Variants in TRRAP observed in about 807,000 individuals in gnomAD.
TRRAP encodes the protein transformation/transcription domain-associated protein.
Under a neutral mutation model 438.8 loss-of-function variants are expected in TRRAP, and 41 were observed. That is an observed-to-expected ratio of 0.09 (90% confidence interval 0.07 to 0.12). The LOEUF is 0.12. TRRAP is among the 10% of genes least tolerant of loss of function. TRRAP has a pLI of 1.00. For synonymous variants in TRRAP, 1,994 were observed against 1,962.9 expected, an observed-to-expected ratio of 1.02 and a Z score of -0.42; for missense variants, 3,122 against 5,055.1, an observed-to-expected ratio of 0.62 and a Z score of 11.60.
chr7:98,887,754 C>CAAAAA (rs1795781425), intron 3 of TRRAP, among the ~76,000 whole-genome samples: 1 of 135,408 alleles, frequency 7.4e-6, no homozygotes, highest in Non-Finnish European at 1.6e-5. Context: ...AAAAAAACTG[C>CAAAAA]AATGGTTTTC....
At chr7:98,883,813 C>T (rs2245385) in intron 3 of TRRAP, among the ~76,000 whole-genome samples, 47,365 of 152,114 alleles carry the variant, frequency 0.31, 7,764 homozygotes, top group South Asian at 0.47. Flanking sequence ...TGTGCCCAAC[C>T]GTCTAGTAAT....
chr7:98,947,683 T>C (rs1791148240), intron 33 of TRRAP, among the ~76,000 whole-genome samples: 1 of 152,212 alleles, frequency 6.6e-6, no homozygotes, highest in African/African-American at 2.4e-5. Flanking sequence ...CTCGAACTCC[T>C]GACCTCAGGT....
chr7:98,975,279 T>A (rs896369083), intron 53 of TRRAP, among the ~76,000 whole-genome samples: 4 of 152,230 alleles, frequency 2.6e-5, no homozygotes, highest in Non-Finnish European at 5.9e-5. Flanking sequence ...GGTTTCCCCC[T>A]TGGGTTTGCT....
Position 98,931,402 on chromosome 7 carries a change from C to T in TRRAP, c.3592-3C>T. On this transcript the variant is annotated splice_region_variant and splice_polypyrimidine_tract_variant and intron_variant, in intron 25 of 72. Coordinates refer to ENST00000456197, the MANE Select transcript of TRRAP (RefSeq NM_001375524.1). Reference sequence around the variant, plus strand: ...TTCATTCTAAGACATCCCTGACTTGCAGGTTTCCAATGGGGCAGTCGCTAT... The same window carrying T: ...TTCATTCTAAGACATCCCTGACTTGTAGGTTTCCAATGGGGCAGTCGCTAT... 6.2e-7 allele frequency: 1 copy of T among 1,612,554 alleles called. No homozygotes were observed. Among genetic ancestry groups the T allele is most frequent in the Non-Finnish European group, 8.5e-7 (1 of 1,179,288 alleles).
rs1791191283 is a variant in TRRAP, at chr7:98,948,601, C to T, written c.4704C>T (p.Phe1568=). 1 of 1,614,150 alleles carries T rather than the reference C, an allele frequency of 6.2e-7. No individual in the cohort carries two copies. ...GSPFREPLIK[F]LTRHPSQTVE... ...CATTCCGAGAGCCCCTGATCAAGTT[C>T]CTGACTCGACATCCCTCGCAGACAG... is the stretch of plus-strand genomic sequence containing the variant. The change falls in exon 35 of 73, where the codon TTC becomes TTT. Residue 1568 remains phenylalanine (F), a synonymous_variant. Transcript: ENST00000456197. This position sits in a 1 kb window ranked among gnomAD's most constrained non-coding sequence, Gnocchi z 4.9.
chr7:98,880,828 A>G (rs1795397182), intron 1 of TRRAP, among the ~76,000 whole-genome samples: 1 of 152,188 alleles, frequency 6.6e-6, no homozygotes, highest in East Asian at 1.9e-4. Context: ...CTCTTTACAG[A>G]AAATGTTTGC....
In TRRAP at chr7:98,929,996, C is replaced by T. The variant is rs1554412440; in HGVS notation, c.3183C>T (p.Phe1061=). The stretch of plus-strand genomic sequence containing the variant: ...TCCCATCTCTCCTTTTAGGCCCTTT[C>T]TTGCTGCCTTGCTACCAGGTGGGCA... ...MVAVAQQCGP[F]LLPCYQVGSQ... is the part of the protein sequence containing the mutation. The change falls in exon 24 of 73, where the codon TTC becomes TTT. Residue 1061 remains phenylalanine, a synonymous_variant. Coordinates refer to ENST00000456197, the MANE Select transcript of TRRAP (RefSeq NM_001375524.1). 6.2e-7 allele frequency: 1 copy of T among 1,614,158 alleles called. No individual in the cohort carries two copies. The highest frequency in any genetic ancestry group is 2.2e-5 in the East Asian group (1 of 44,882).
Position 98,978,922 on chromosome 7 carries a change from C to A in TRRAP, c.8634+18C>A, listed in dbSNP as rs1792786757. ...TGGTGCAGGTGAGACGCCCCGGGGG[C>A]ATCCCTGCCGCTGCCTGGGTCCCTT... On this transcript the variant is annotated intron_variant, in intron 58 of 72. Transcript: ENST00000456197. The A allele has an allele frequency of 1.2e-6, 2 of 1,612,696 alleles. No individual in the cohort carries two copies.
intron 60 of TRRAP, 94 bp from the exon 61 acceptor site, chr7:98,983,999 G>GT: frequency 1.5e-6 from 2 of 1,336,842 alleles, no homozygotes; most frequent in Non-Finnish European, 2.0e-6. Context: ...CATAAGCCAT[G>GT]TGTGTGTGTG....
At chr7:98,910,864 T>C (rs1789233277) in intron 16 of TRRAP, among the ~76,000 whole-genome samples, 1 of 152,166 alleles carries the variant, frequency 6.6e-6, no homozygotes, top group Non-Finnish European at 1.5e-5. Flanking sequence ...TTAATAATTT[T>C]TTTCATGGTC....
At chr7:98,969,434 C>T (rs1217667143) in intron 51 of TRRAP, among the ~76,000 whole-genome samples, 1 of 152,236 alleles carries the variant, frequency 6.6e-6, no homozygotes, top group Non-Finnish European at 1.5e-5. Flanking sequence ...CATGTTACCA[C>T]AGTGAGCACA....
Position 98,999,272 on chromosome 7 carries a change from G to C in TRRAP, c.10309+4424G>C. On this transcript the variant is annotated intron_variant, in intron 67 of 72. Coordinates refer to ENST00000456197, the MANE Select transcript of TRRAP (RefSeq NM_001375524.1). ...CCAGCTTCTCGCAGAAACAGATGTC[G>C]TACAGGAACAGTCTACTATTAAAGC... The C allele has an allele frequency of 3.4e-6, 4 of 1,182,822 alleles. No individual in the cohort carries two copies. In the South Asian group the frequency reaches 4.9e-5, roughly 14 times the overall value. The allele number at this position is 1,182,822 out of a possible 1,614,324, so 73.3% of individuals were successfully genotyped here.
chr7:98,908,723 C>T lies in TRRAP; in HGVS notation c.1116-5C>T, dbSNP rs370065940. 5.3e-5 allele frequency: 82 copies of T among 1,545,466 alleles called. No homozygotes were observed. The highest frequency in any genetic ancestry group is 2.1e-4 in the African/African-American group (15 of 73,146). On this transcript the variant is annotated splice_region_variant and splice_polypyrimidine_tract_variant and intron_variant, in intron 13 of 72. Transcript: ENST00000456197. The surrounding 1 kb of genome is among the most constrained non-coding windows in gnomAD (Gnocchi z 4.1). Reference sequence around the variant, plus strand: ...ATGAGCACTAGTCGAGGTCTCTGCCCGCAGGCCCCTCGCCTACAGCACGCT... The same window carrying T: ...ATGAGCACTAGTCGAGGTCTCTGCCTGCAGGCCCCTCGCCTACAGCACGCT...
chr7:98,989,961 C>T (rs1336079974), intron 63 of TRRAP, among the ~76,000 whole-genome samples: 1 of 152,200 alleles, frequency 6.6e-6, no homozygotes, highest in Admixed American at 6.5e-5. Context: ...GGAGTGGTGG[C>T]TCACGCTTGT....
At chr7:98,936,447 A>G (rs1790560782) in intron 28 of TRRAP, among the ~76,000 whole-genome samples, 1 of 152,268 alleles carries the variant, frequency 6.6e-6, no homozygotes, top group Non-Finnish European at 1.5e-5. Flanking sequence ...CCTGTTAGCC[A>G]TTGTGGGTGC....
rs1434372639 is a variant in TRRAP, at chr7:98,948,475, C to T, written c.4669-91C>T. ...CAACATTTGCTTGTGGGTGTTCATG[C>T]ACTCCAGTAACAAGGGACCTTGTTA... On this transcript the variant is annotated intron_variant, in intron 34 of 72. Transcript: ENST00000456197. The surrounding 1 kb of genome is among the most constrained non-coding windows in gnomAD (Gnocchi z 4.9). The T allele has an allele frequency of 3.7e-6, 6 of 1,610,878 alleles. No individual in the cohort carries two copies. The highest frequency in any genetic ancestry group is 5.1e-6 in the Non-Finnish European group (6 of 1,178,664).
Position 99,011,426 on chromosome 7 carries a change from T to G in TRRAP, c.11228T>G (p.Phe3743Cys). The G allele has an allele frequency of 6.2e-7, 1 of 1,614,232 alleles. No individual in the cohort carries two copies. The highest frequency in any genetic ancestry group is 8.5e-7 in the Non-Finnish European group (1 of 1,180,042). The change falls in exon 72 of 73, where the codon TTT (phenylalanine) becomes TGT (cysteine). Residue 3743 changes from phenylalanine to cysteine, a missense_variant. Transcript: ENST00000456197. This position sits in a 1 kb window ranked among gnomAD's most constrained non-coding sequence, Gnocchi z 7.1. ...CTGGATGCCAACCGTCCTGTCCCAT[T>G]TCGACTCACGCCCAACATTTCTGAG... Reference protein sequence around the residue: ...GDLDANRPVPFRLTPNISEFL... With the variant: ...GDLDANRPVPCRLTPNISEFL...
Position 98,991,593 on chromosome 7 carries a change from A to G in TRRAP, c.9757-544A>G, listed in dbSNP as rs541321459. ...ATTCCTTTCTTCCTTTCATGGGCAC[A>G]TTCTGAAAGATTCAAGTGACATGGT... On this transcript the variant is annotated intron_variant, in intron 64 of 72. Transcript: ENST00000456197. Among the ~76,000 whole-genome samples, 77 of 152,320 alleles carry G rather than the reference A, an allele frequency of 5.1e-4. 1 individual carries two copies. The highest frequency in any genetic ancestry group is 1.8e-3 in the African/African-American group (73 of 41,566).
chr7:98,887,855 C>T (rs536608972), intron 3 of TRRAP, among the ~76,000 whole-genome samples: 4 of 151,902 alleles, frequency 2.6e-5, no homozygotes, highest in East Asian at 1.9e-4. Flanking sequence ...ATGTTATAGA[C>T]AACTCCAGAT....
Sources: allele counts gnomAD v4.1 joint callset (sites outside exome capture counted in the v4.1 genomes callset), GRCh38; gene constraint gnomAD v4.1.1; non-coding constraint Gnocchi (gnomAD v3.1); transcripts MANE v1.5; gene names NCBI Gene and HGNC (gene_info 2026-07-23, HGNC 2026-07-21).